Variants in NPAS3 observed in about 807,000 individuals in gnomAD.
The protein encoded by NPAS3 is neuronal PAS domain-containing protein 3.
Under a neutral mutation model 73.1 loss-of-function variants are expected in NPAS3, and 14 were observed. The observed-to-expected ratio is 0.19, with a 90% CI of 0.13 to 0.30. The LOEUF is 0.30. NPAS3 is among the 10% of genes least tolerant of loss of function. NPAS3 has a pLI of 1.00. For synonymous variants in NPAS3, 620 were observed against 541.5 expected (o/e 1.14, Z -2.01); for missense variants, 1,096 against 1,250.0 (o/e 0.88, Z 1.86).
chr14:33,340,073 G>T (rs1012509806), intron 3 of NPAS3, among the ~76,000 whole-genome samples: 7 of 151,930 alleles, frequency 4.6e-5, no homozygotes, highest in Admixed American at 2.0e-4. Flanking sequence ...TGATACCTAT[G>T]GTTTCCATTT....
At chr14:33,210,815 T>G (rs2047003423) in intron 2 of NPAS3, among the ~76,000 whole-genome samples, 1 of 152,158 alleles carries the variant, frequency 6.6e-6, no homozygotes, top group Admixed American at 6.5e-5. Context: ...TTATAAATCT[T>G]TAAGCATCCA....
chr14:33,274,468 C>A (rs899989078), intron 3 of NPAS3, among the ~76,000 whole-genome samples: 28 of 152,256 alleles, frequency 1.8e-4, no homozygotes, highest in South Asian at 4.1e-4. Context: ...CTCTGGCCTC[C>A]CATATCTAGC....
intron 4 of NPAS3, among the ~76,000 whole-genome samples, chr14:33,486,348 C>T (rs2051596256): frequency 6.6e-6 from 1 of 152,012 alleles, no homozygotes; most frequent in Non-Finnish European, 1.5e-5. Context: ...TTTTCTCAGC[C>T]CTGAGCATGC....
At chr14:33,600,555 G>A (rs2057370810) in intron 5 of NPAS3, among the ~76,000 whole-genome samples, 4 of 152,128 alleles carry the variant, frequency 2.6e-5, no homozygotes, top group African/African-American at 7.2e-5. Flanking sequence ...ACCATGTAGA[G>A]CAGGTGACCT....
chr14:33,204,930 T>TG (rs1402115350), intron 2 of NPAS3, among the ~76,000 whole-genome samples: 1 of 151,950 alleles, frequency 6.6e-6, no homozygotes, highest in African/African-American at 2.4e-5. Context: ...ACTCATTTAT[T>TG]GGAAAAAAAA....
chr14:33,289,149 C>T (rs1288797096), intron 3 of NPAS3, among the ~76,000 whole-genome samples: 2 of 151,980 alleles, frequency 1.3e-5, no homozygotes, highest in Non-Finnish European at 2.9e-5. Context: ...CCTTATAATC[C>T]AAGAGGCACG....
At chr14:33,212,264 A>C in intron 2 of NPAS3, among the ~76,000 whole-genome samples, 1 of 152,158 alleles carries the variant, frequency 6.6e-6, no homozygotes, top group East Asian at 1.9e-4. Flanking sequence ...AAAACCAATT[A>C]CTACTTATTA....
At chr14:33,483,315 T>TC (rs1015971818) in intron 4 of NPAS3, among the ~76,000 whole-genome samples, 12 of 152,218 alleles carry the variant, frequency 7.9e-5, no homozygotes, top group African/African-American at 2.2e-4. Context: ...GTAACCTAAA[T>TC]CAGTGTTGGG....
Position 33,068,386 on chromosome 14 carries a change from C to T in NPAS3, c.140+12392C>T, listed in dbSNP as rs74041777. Among the ~76,000 whole-genome samples the T allele has an allele frequency of 2.3e-3, 351 of 152,310 alleles. 1 individual carries two copies. The highest frequency in any genetic ancestry group is 7.7e-3 in the African/African-American group (321 of 41,576). On this transcript the variant is annotated intron_variant, in intron 2 of 11. Transcript: ENST00000356141. Reference sequence around the variant, plus strand: ...CACATGCACTAAGTCCCTGCCTTTGCTTGCTCCTTTGTAAAGTCTTTCTAA... The same window carrying T: ...CACATGCACTAAGTCCCTGCCTTTGTTTGCTCCTTTGTAAAGTCTTTCTAA...
Position 33,145,980 on chromosome 14 carries a change from C to T in NPAS3, c.141-69202C>T, listed in dbSNP as rs111404686. On this transcript the variant is annotated intron_variant, in intron 2 of 11. Coordinates refer to ENST00000356141, the Ensembl canonical transcript of NPAS3. ...CCTGTGAAAATCTATACTTGGCTAC[C>T]GAGGGCTTTACTATGAATGTATCAC... Among the ~76,000 whole-genome samples the T allele has an allele frequency of 9.7e-3, 1,467 of 150,490 alleles. 25 individuals carry two copies. Among genetic ancestry groups the T allele is most frequent in the African/African-American group, 0.032 (1,328 of 40,960 alleles).
chr14:33,408,697 C>A (rs964832117), intron 4 of NPAS3, among the ~76,000 whole-genome samples: 1 of 152,090 alleles, frequency 6.6e-6, no homozygotes, highest in African/African-American at 2.4e-5. Context: ...GGGCACTGTC[C>A]CATACGAACT....
upstream of NPAS3, among the ~76,000 whole-genome samples, chr14:32,937,832 C>T (rs1427324923): frequency 2.6e-5 from 4 of 152,176 alleles, no homozygotes; most frequent in East Asian, 1.9e-4. Context: ...CTGGTTGACA[C>T]ATGACTGACC....
intron 6 of NPAS3, among the ~76,000 whole-genome samples, chr14:33,725,552 C>A (rs2061241400): frequency 6.6e-6 from 1 of 152,032 alleles, no homozygotes; most frequent in Non-Finnish European, 1.5e-5. Context: ...AAGCAGTAAA[C>A]AATATTCTCA....
At chr14:33,368,387 T>C (rs1467008681) in intron 4 of NPAS3, among the ~76,000 whole-genome samples, 1 of 151,960 alleles carries the variant, frequency 6.6e-6, no homozygotes, top group African/African-American at 2.4e-5. Context: ...TTACTGGCAG[T>C]TTCAGAATCA....
intron 4 of NPAS3, among the ~76,000 whole-genome samples, chr14:33,507,516 ATTG>A (rs1380178257): frequency 6.6e-6 from 1 of 151,802 alleles, no homozygotes; most frequent in Non-Finnish European, 1.5e-5. Flanking sequence ...TGAATTGTTC[ATTG>A]TTGTTCTTTC....
At chr14:33,789,749 C>T (rs910794801) in intron 9 of NPAS3, among the ~76,000 whole-genome samples, 2 of 132,868 alleles carry the variant, frequency 1.5e-5, no homozygotes, top group African/African-American at 3.0e-5. Context: ...CCACCACGCC[C>T]GGCTAATTTT....
chr14:33,203,875 C>A (rs1472470829), intron 2 of NPAS3, among the ~76,000 whole-genome samples: 1 of 152,136 alleles, frequency 6.6e-6, no homozygotes, highest in Non-Finnish European at 1.5e-5. Flanking sequence ...ATTTCTAGTT[C>A]TAGATCCCTG....
intron 1 of NPAS3, among the ~76,000 whole-genome samples, chr14:32,992,466 T>G (rs2038373750): frequency 6.6e-6 from 1 of 152,134 alleles, no homozygotes; most frequent in African/African-American, 2.4e-5. Context: ...TGTCTAGACC[T>G]GAGGTAGTGG....
intron 1 of NPAS3, among the ~76,000 whole-genome samples, chr14:33,000,603 C>A (rs2038771780): frequency 6.6e-6 from 1 of 151,996 alleles, no homozygotes; most frequent in South Asian, 2.1e-4. Flanking sequence ...TAGGAAATTA[C>A]AAAGGAAATA....
Sources: gnomAD v4.1 joint callset for allele counts (sites outside exome capture counted in the v4.1 genomes callset) on GRCh38, gnomAD v4.1.1 for gene constraint, MANE v1.5 for transcripts, NCBI Gene and HGNC (gene_info 2026-07-23, HGNC 2026-07-21) for gene names.